RFWD3: variants seen among roughly 807,000 people sequenced by gnomAD.
RFWD3 encodes E3 ubiquitin-protein ligase RFWD3.
In RFWD3, 65 loss-of-function variants were observed where a neutral mutation model predicts 87.7. The ratio of observed to expected loss-of-function variants is 0.74; its 90% CI spans 0.61 to 0.91. The LOEUF (loss-of-function observed/expected upper bound fraction) is 0.91. Ranked by LOEUF, RFWD3 falls within the 40% of genes least tolerant of loss-of-function variation. The probability of loss-of-function intolerance (pLI) is 0.00; values close to 1 mark genes in which losing one functional copy is unlikely to be tolerated. For synonymous variants in RFWD3, 433 were observed against 352.8 expected (o/e 1.23, Z -2.55); for missense variants, 1,078 against 938.5 (o/e 1.15, Z -1.94).
At chr16:74,665,326 C>G (rs2144392839) in intron 1 of RFWD3, 1 of 152,442 alleles carries the variant, frequency 6.6e-6, no homozygotes, top group Middle Eastern at 3.4e-3. Flanking sequence ...GTGGCTCACA[C>G]CTGTAATCCC....
intron 2 of RFWD3, among the ~76,000 whole-genome samples, chr16:74,657,121 A>G (rs1961045321): frequency 6.6e-6 from 1 of 152,190 alleles, no homozygotes. Context: ...TTTCCAGAGA[A>G]CCACCAACAG....
Position 74,632,594 on chromosome 16 carries a change from T to A in RFWD3, c.1506A>T (p.Gly502=), listed in dbSNP as rs895248099. 1.9e-6 allele frequency: 3 copies of A among 1,614,136 alleles called. No individual in the cohort carries two copies. In the African/African-American group the frequency reaches 4.0e-5, roughly 22 times the overall value. ...CTCTGAGGTAACTGCTAAACGCCAG[T>A]CCACGGATCTGTTTGCCATGCATCG... ...YIPMHGKQIR[G]LAFSSYLRGL... Residue 502 remains glycine (G), a synonymous_variant, in exon 9 of 13, where the codon GGA becomes GGT. Transcript: ENST00000361070.
Position 74,633,583 on chromosome 16 carries a change from G to A in RFWD3, c.1427-910C>T, listed in dbSNP as rs934335129. 7.9e-5 allele frequency among the ~76,000 whole-genome samples: 12 copies of A among 152,244 alleles called. No homozygotes were observed. In the East Asian group the frequency reaches 1.5e-3, roughly 20 times the overall value. ...CTCATCTGTAGTGACAAAAAGCAGT[G>A]ACTGCTGGGGATGGGAGAGGAGGGA... On this transcript the variant is annotated intron_variant, in intron 8 of 12. Transcript: ENST00000361070.
intron 8 of RFWD3, among the ~76,000 whole-genome samples, chr16:74,634,901 G>A (rs897505184): frequency 6.6e-6 from 1 of 152,026 alleles, no homozygotes; most frequent in Non-Finnish European, 1.5e-5. Context: ...CAGTACTTTC[G>A]GAGGCTGAGA....
At position 74,661,330 on chromosome 16, in the gene RFWD3, AG is replaced by A. The variant is rs1446304114; in HGVS notation, c.119del (p.Pro40LeufsTer21). The A allele has an allele frequency of 6.2e-7, 1 of 1,613,980 alleles. No individual in the cohort carries two copies. ...CCCCCTGGCTGCTGACCACATCAGC[AG>A]GAACAGGCTGGAGGAGGGCTGGTCC... Reference protein sequence around the residue: ...QGGPALLQPVPADVVSSQGVP... With the variant: ...QGGPALLQPVXADVVSSQGVP... On this transcript the variant is annotated frameshift_variant, in exon 2 of 13. Transcript: ENST00000361070. LOFTEE classifies it high-confidence loss of function.
At chr16:74,649,916 C>G (rs961905859) in intron 3 of RFWD3, among the ~76,000 whole-genome samples, 8 of 152,104 alleles carry the variant, frequency 5.3e-5, no homozygotes, top group African/African-American at 1.9e-4. Context: ...ATGAAATTAA[C>G]TTTTATATAT....
At position 74,642,240 on chromosome 16, in the gene RFWD3, A is replaced by G. The variant is rs574869741; in HGVS notation, c.1079+2122T>C. Among the ~76,000 whole-genome samples the G allele has an allele frequency of 2.0e-5, 3 of 151,990 alleles. No individual in the cohort carries two copies. In the East Asian group the frequency reaches 5.9e-4, roughly 30 times the overall value. On this transcript the variant is annotated intron_variant, in intron 6 of 12. Transcript: ENST00000361070. ...CAGGTTCAAGCGATTCTCGTGCCTC[A>G]GCCTCCCGAGTTGCTGGCATTACAG...
chr16:74,666,298 G>T (rs886638676), intron 1 of RFWD3: 1 of 152,170 alleles, frequency 6.6e-6, no homozygotes, highest in African/African-American at 2.4e-5. Flanking sequence ...CCTAAACTCG[G>T]CTCAACTTGT....
intron 3 of RFWD3, 71 bp downstream of exon 3, chr16:74,651,849 T>C: frequency 2.2e-6 from 3 of 1,374,700 alleles, no homozygotes; most frequent in Non-Finnish European, 3.1e-6. Context: ...ACAAATCTAG[T>C]TTCTAGCCTT....
rs756675450 is a variant in RFWD3, at chr16:74,626,610, C to A, written c.1970-56G>T. On this transcript the variant is annotated intron_variant, in intron 11 of 12. Coordinates refer to ENST00000361070, the MANE Select transcript of RFWD3 (RefSeq NM_018124.4). ...TGGGGACGCTACACAAAAAATTAACCAAGTACCCAAACCTCACACGCTTAC... is the reference window on the plus strand; with the variant it reads ...TGGGGACGCTACACAAAAAATTAACAAAGTACCCAAACCTCACACGCTTAC... 2.1e-6 allele frequency: 3 copies of A among 1,435,780 alleles called. No homozygotes were observed. The East Asian group carries it at 6.9e-5, about 33-fold the overall frequency. The allele number at this position is 1,435,780 out of a possible 1,614,324, so 88.9% of individuals were successfully genotyped here. A position where few individuals can be genotyped will look rare whatever the true frequency, so the allele number is the denominator to read the frequency against.
intron 12 of RFWD3, among the ~76,000 whole-genome samples, chr16:74,624,965 G>C (rs1442680668): frequency 6.6e-6 from 1 of 151,996 alleles, no homozygotes; most frequent in Non-Finnish European, 1.5e-5. Flanking sequence ...CTCCAGCCTG[G>C]ACCGAGTAAG....
intron 1 of RFWD3, 148 bp downstream of exon 1, chr16:74,666,638 C>G (rs1243374671): frequency 1.3e-5 from 2 of 152,284 alleles, no homozygotes; most frequent in Admixed American, 6.5e-5. Flanking sequence ...CCCGAGGGCC[C>G]GAATCCCCTC....
chr16:74,660,715 C>T, intron 2 of RFWD3: 1 of 543,438 alleles, frequency 1.8e-6, no homozygotes, highest in Non-Finnish European at 3.2e-6. Context: ...AGATTGCCAA[C>T]AAACTACCAC....
At position 74,661,462 on chromosome 16, in the gene RFWD3, A is replaced by T; in HGVS notation, c.-2-11T>A. On this transcript the variant is annotated splice_polypyrimidine_tract_variant and intron_variant, in intron 1 of 12. Transcript: ENST00000361070. ...CTTCATGAGCCATCACTAGAGAAAC[A>T]GTATTTGTAAAAAGTATTAATAAAA... is the stretch of plus-strand genomic sequence containing the variant. 2 of 1,576,096 alleles carry T rather than the reference A, an allele frequency of 1.3e-6. No individual in the cohort carries two copies. The highest frequency in any genetic ancestry group is 1.7e-6 in the Non-Finnish European group (2 of 1,163,892).
chr16:74,628,305 T>C (rs1958993931), intron 11 of RFWD3, 147 bp downstream of exon 11: 1 of 695,814 alleles, frequency 1.4e-6, no homozygotes, highest in Admixed American at 2.7e-5. Context: ...GGAGCCACCA[T>C]ACTCCCTGTA....
intron 3 of RFWD3, among the ~76,000 whole-genome samples, chr16:74,649,940 T>C (rs573904270): frequency 6.6e-5 from 10 of 152,326 alleles, no homozygotes; most frequent in African/African-American, 2.4e-4. Flanking sequence ...AAATTGAGCA[T>C]TGTGCAACCA....
chr16:74,654,752 T>C (rs1254914084), intron 2 of RFWD3, among the ~76,000 whole-genome samples: 1 of 152,036 alleles, frequency 6.6e-6, no homozygotes. Context: ...CTGAAGAAAA[T>C]TAAGCGCTAC....
intron 2 of RFWD3, among the ~76,000 whole-genome samples, chr16:74,660,415 G>A (rs1322785571): frequency 2.6e-5 from 4 of 152,014 alleles, no homozygotes; most frequent in Admixed American, 1.3e-4. Context: ...ATTGTGCCAC[G>A]GGAATCCAGC....
At chr16:74,628,739 C>CA in intron 10 of RFWD3, 73 bp from the exon 11 acceptor site, 1 of 1,322,814 alleles carries the variant, frequency 7.6e-7, no homozygotes. Flanking sequence ...TACCAGACCT[C>CA]AAGCACATTC....
Sources: gnomAD v4.1 joint callset for allele counts (sites outside exome capture counted in the v4.1 genomes callset) on GRCh38, gnomAD v4.1.1 for gene constraint, MANE v1.5 for transcripts, NCBI Gene and HGNC (gene_info 2026-07-23, HGNC 2026-07-21) for gene names.